The following WDR88 variants were observed in gnomAD, a reference collection of about 807,000 sequenced individuals.
The protein encoded by WDR88 is WD repeat domain 88.
Under a neutral mutation model 46.8 loss-of-function variants are expected in WDR88, and 40 were observed. That is an observed-to-expected ratio of 0.86 (90% CI 0.66 to 1.11). The LOEUF (loss-of-function observed/expected upper bound fraction) is 1.11. Ranked by LOEUF, WDR88 falls within the 50% of genes most tolerant of loss-of-function variation. WDR88 has a pLI of 0.00. For synonymous variants in WDR88, 235 were observed against 240.7 expected (o/e 0.98, Z 0.22); for missense variants, 562 against 602.4 (o/e 0.93, Z 0.70).
At chr19:33,160,027 C>T (rs1010231877) in intron 7 of WDR88, among the ~76,000 whole-genome samples, 3 of 152,006 alleles carry the variant, frequency 2.0e-5, no homozygotes, top group Admixed American at 1.3e-4. Context: ...TTCATGCTCC[C>T]GTGAGAATCG....
At chr19:33,134,619 G>A (rs1019418161) in intron 1 of WDR88, among the ~76,000 whole-genome samples, 6 of 152,194 alleles carry the variant, frequency 3.9e-5, no homozygotes, top group African/African-American at 1.4e-4. Context: ...CGCAGGTCAT[G>A]TCCCGGGGAC....
chr19:33,158,635 C>T (rs1973807348), intron 7 of WDR88, among the ~76,000 whole-genome samples: 1 of 152,188 alleles, frequency 6.6e-6, no homozygotes, highest in Non-Finnish European at 1.5e-5. Context: ...AGGCAACACT[C>T]TGCCTTCTTG....
intron 9 of WDR88, among the ~76,000 whole-genome samples, chr19:33,168,821 GAGA>G (rs912322765): frequency 2.0e-5 from 3 of 152,034 alleles, no homozygotes; most frequent in Non-Finnish European, 4.4e-5. Context: ...GAGGGAGAAG[GAGA>G]AGAAGAAAAT....
intron 5 of WDR88, among the ~76,000 whole-genome samples, 166 bp downstream of exon 5, chr19:33,149,076 G>A (rs1309822260): frequency 1.3e-5 from 2 of 152,122 alleles, no homozygotes; most frequent in African/African-American, 4.8e-5. Context: ...GATTGCATCT[G>A]TAATCCCAGC....
chr19:33,174,200 C>T lies in WDR88; in HGVS notation c.1243-1196C>T, dbSNP rs569039075. The T allele has an allele frequency of 5.2e-6, 8 of 1,536,488 alleles. No homozygotes were observed. In the East Asian group the frequency reaches 1.5e-4, roughly 28 times the overall value. On this transcript the variant is annotated intron_variant, in intron 10 of 10. Transcript: ENST00000355868. ...AAAAAAGGAAAAGAAAGAGGCCTAC[C>T]TGAAGCTGAAGCAAGGATGAGCCTG... is the stretch of plus-strand genomic sequence containing the variant.
intron 9 of WDR88, among the ~76,000 whole-genome samples, chr19:33,167,702 TTCCTTCCTTCAA>T (rs1202228612): frequency 6.6e-6 from 1 of 151,712 alleles, no homozygotes; most frequent in African/African-American, 2.4e-5. Flanking sequence ...CCTTTCTTTC[TTCCTTCCTTCAA>T]TCCTTCCTTC....
At position 33,156,524 on chromosome 19, in the gene WDR88, T is replaced by C. The variant is rs916309262; in HGVS notation, c.979T>C (p.Cys327Arg). ...GGGCCATGAAGGTTCTGTCAGTTCC[T>C]GTCACTTTGCCAGAGACAGTGAGTA... ...MQGHEGSVSSCHFARDSSFLI... is the reference protein window; with the variant it reads ...MQGHEGSVSSRHFARDSSFLI... The change falls in exon 7 of 11, where the codon TGT becomes CGT. Residue 327 changes from cysteine (C) to arginine (R), a missense_variant. By Grantham distance (180) the Cys-to-Arg change is radical (BLOSUM62 -3). Transcript: ENST00000355868. The C allele has an allele frequency of 6.2e-7, 1 of 1,613,414 alleles. No individual in the cohort carries two copies. The highest frequency in any genetic ancestry group is 8.5e-7 in the Non-Finnish European group (1 of 1,179,688).
intron 5 of WDR88, among the ~76,000 whole-genome samples, chr19:33,149,512 A>ATTAACATTAACAGAG (rs1339028319): frequency 1.3e-5 from 2 of 152,136 alleles, no homozygotes; most frequent in African/African-American, 2.4e-5. Context: ...GCTTCTTAAC[A>ATTAACATTAACAGAG]TTAACATTAA....
chr19:33,149,304 AGAGT>A (rs1973583372), intron 5 of WDR88, among the ~76,000 whole-genome samples: 2 of 151,782 alleles, frequency 1.3e-5, no homozygotes, highest in Admixed American at 6.6e-5. Flanking sequence ...CCTGGCAGAC[AGAGT>A]GAGACTCCAT....
chr19:33,146,158 G>A (rs992059449), intron 3 of WDR88, among the ~76,000 whole-genome samples: 4 of 152,156 alleles, frequency 2.6e-5, no homozygotes, highest in South Asian at 2.1e-4. Context: ...TTAGTCGGGC[G>A]TAGTGGCACA....
At chr19:33,136,788 G>T (rs1314362505) in intron 1 of WDR88, among the ~76,000 whole-genome samples, 1 of 151,822 alleles carries the variant, frequency 6.6e-6, no homozygotes, top group Non-Finnish European at 1.5e-5. Flanking sequence ...TGTTGGCCAG[G>T]CTGGTCTTAA....
intron 1 of WDR88, among the ~76,000 whole-genome samples, chr19:33,135,095 CT>C (rs200469439): frequency 2.0e-5 from 3 of 150,530 alleles, no homozygotes; most frequent in Admixed American, 6.6e-5. Context: ...GCTCTGTCCT[CT>C]TTTTTTCCCC....
At chr19:33,144,610 T>C (rs1163544106) in intron 2 of WDR88, among the ~76,000 whole-genome samples, 2 of 152,212 alleles carry the variant, frequency 1.3e-5, no homozygotes, top group African/African-American at 4.8e-5. Flanking sequence ...GTGTCTGGAA[T>C]TGCGGGGTAA....
At chr19:33,138,441 G>A (rs958083405) in intron 2 of WDR88, among the ~76,000 whole-genome samples, 4 of 152,136 alleles carry the variant, frequency 2.6e-5, no homozygotes, top group Non-Finnish European at 5.9e-5. Context: ...TCTGCCTCCC[G>A]GGTTCAAGTG....
intron 6 of WDR88, among the ~76,000 whole-genome samples, chr19:33,154,627 C>G (rs186923007): frequency 3.3e-5 from 5 of 152,292 alleles, no homozygotes; most frequent in South Asian, 2.1e-4. Flanking sequence ...TGGGTTGACA[C>G]GAAGTCTTTG....
At chr19:33,141,628 A>G (rs562538339) in intron 2 of WDR88, among the ~76,000 whole-genome samples, 28 of 152,316 alleles carry the variant, frequency 1.8e-4, no homozygotes, top group Middle Eastern at 3.4e-3. Context: ...CTGTACATTT[A>G]TGGACTTTCC....
chr19:33,146,092 A>ACCTC lies in WDR88; in HGVS notation c.476+1160_476+1161insCCTC, dbSNP rs1426864806. Among the ~76,000 whole-genome samples, 159 of 152,178 alleles carry ACCTC rather than the reference A, an allele frequency of 1.0e-3. 1 individual carries two copies. The highest frequency in any genetic ancestry group is 1.9e-3 in the Non-Finnish European group (131 of 67,998). ...GATCACCTGAGGTCGGGTAGCCTTG[A>ACCTC]ACAAGGCTAGCCTGACCAACATGGA... On this transcript the variant is annotated intron_variant, in intron 3 of 10. Coordinates refer to ENST00000355868, the MANE Select transcript of WDR88 (RefSeq NM_173479.4).
chr19:33,144,242 C>G (rs1830719227), intron 2 of WDR88, among the ~76,000 whole-genome samples: 2 of 152,202 alleles, frequency 1.3e-5, no homozygotes, highest in South Asian at 4.1e-4. Context: ...CTCTGTCGCC[C>G]AGGCTGGAAT....
In WDR88 at chr19:33,137,741, A is replaced by T; in HGVS notation, c.341A>T (p.Asp114Val). The change falls in exon 2 of 11, where the codon GAC (aspartate) becomes GTC (valine). Residue 114 changes from aspartate to valine, a missense_variant. Transcript: ENST00000355868. ...AGCACCTGCCACTTCTGTGTGGATG[A>T]CACAAAGCTCCTCAGTGGCTCCTAT... is the stretch of plus-strand genomic sequence containing the variant. Reference protein sequence around the residue: ...AVSTCHFCVDDTKLLSGSYDC... With the variant: ...AVSTCHFCVDVTKLLSGSYDC... The T allele has an allele frequency of 6.2e-7, 1 of 1,613,940 alleles. No individual in the cohort carries two copies. Among genetic ancestry groups the T allele is most frequent in the Non-Finnish European group, 8.5e-7 (1 of 1,180,028 alleles).
Sources: allele counts gnomAD v4.1 joint callset (sites outside exome capture counted in the v4.1 genomes callset), GRCh38; gene constraint gnomAD v4.1.1; transcripts MANE v1.5; gene names NCBI Gene and HGNC (gene_info 2026-07-23, HGNC 2026-07-21).